Variants in PDE4D observed in about 807,000 individuals in gnomAD.
PDE4D encodes the protein 3',5'-cyclic-AMP phosphodiesterase 4D.
In PDE4D, 24 loss-of-function variants were observed where a neutral mutation model predicts 87.4. The ratio of observed to expected loss-of-function variants is 0.27; its 90% CI spans 0.20 to 0.39. The LOEUF (loss-of-function observed/expected upper bound fraction) is 0.39. PDE4D is among the 10% of genes least tolerant of loss of function. PDE4D has a pLI of 1.00. For synonymous variants in PDE4D, 384 were observed against 383.2 expected (o/e 1.00, Z -0.02); for missense variants, 714 against 1,041.0 (o/e 0.69, Z 4.32).
intron 5 of PDE4D, among the ~76,000 whole-genome samples, chr5:59,114,276 T>C (rs1435716037): frequency 6.6e-6 from 1 of 152,198 alleles, no homozygotes; most frequent in Non-Finnish European, 1.5e-5. Context: ...ATTTAAAGTA[T>C]ATATTAATGG....
intron 5 of PDE4D, among the ~76,000 whole-genome samples, chr5:59,155,028 A>G (rs1394414765): frequency 6.6e-6 from 1 of 152,196 alleles, no homozygotes; most frequent in Non-Finnish European, 1.5e-5. Context: ...CTCTGGACAT[A>G]TTGGATTTGA....
intron 1 of PDE4D, among the ~76,000 whole-genome samples, chr5:59,400,758 CTT>C (rs1790459641): frequency 6.6e-6 from 1 of 151,684 alleles, no homozygotes; most frequent in Admixed American, 6.6e-5. Flanking sequence ...AAAAATAAAT[CTT>C]TACAACATTC....
intron 1 of PDE4D, among the ~76,000 whole-genome samples, chr5:59,239,858 G>C (rs16889427): frequency 2.6e-5 from 4 of 152,088 alleles, no homozygotes; most frequent in Non-Finnish European, 5.9e-5. Context: ...CACTCAAAAA[G>C]GATTACAAAG....
intron 1 of PDE4D, among the ~76,000 whole-genome samples, chr5:60,515,621 T>TTTTTTTTTTTTTTG (rs1274125692): frequency 1.4e-5 from 2 of 139,270 alleles, no homozygotes; most frequent in African/African-American, 5.9e-5. Context: ...TTTTTTTTTC[T>TTTTTTTTTTTTTTG]GTCAGGATGA....
At chr5:59,454,046 A>G (rs953012996) in intron 1 of PDE4D, among the ~76,000 whole-genome samples, 17 of 152,264 alleles carry the variant, frequency 1.1e-4, no homozygotes, top group African/African-American at 3.8e-4. Context: ...ATTACACCAA[A>G]TCTATTCTGC....
chr5:60,502,220 T>G (rs1750113510), intron 1 of PDE4D, among the ~76,000 whole-genome samples: 1 of 152,220 alleles, frequency 6.6e-6, no homozygotes, highest in Non-Finnish European at 1.5e-5. Flanking sequence ...TTTCTACATA[T>G]GGCTAGCCAG....
intron 1 of PDE4D, among the ~76,000 whole-genome samples, chr5:59,325,509 T>C (rs560397498): frequency 2.0e-5 from 3 of 152,300 alleles, no homozygotes; most frequent in Admixed American, 1.3e-4. Flanking sequence ...CCTTTGTATT[T>C]ATCAATAACA....
rs1823965621 is a variant in PDE4D at position 59,580,694 on chromosome 5, A to G, written c.455+312474T>C. 2.0e-5 allele frequency among the ~76,000 whole-genome samples: 3 copies of G among 152,046 alleles called. No homozygotes were observed. In the South Asian group the frequency reaches 6.2e-4, roughly 32 times the overall value. On this transcript the variant is annotated intron_variant, in intron 1 of 14. Transcript: ENST00000340635. ...TATGTTGTTCAGGCTGGTCTCTAAT[A>G]AATTGTTATTACCAATGTGCTATGA... is the stretch of plus-strand genomic sequence containing the variant.
In PDE4D at chr5:60,314,420, G is replaced by C. The variant is rs532823082; in HGVS notation, c.-89-128733C>G. On this transcript the variant is annotated intron_variant, in intron 1 of 16. Coordinates refer to the PDE4D transcript ENST00000502484. ...GAGATCAGGCAATTCACCCACCTTA[G>C]CCTCCCAAAGTGCTGGGATTACAGG... is the stretch of plus-strand genomic sequence containing the variant. 1.2e-4 allele frequency among the ~76,000 whole-genome samples: 18 copies of C among 152,154 alleles called. No individual in the cohort carries two copies. The East Asian group carries it at 3.5e-3, about 29-fold the overall frequency.
intron 3 of PDE4D, among the ~76,000 whole-genome samples, chr5:59,185,989 A>G (rs895989115): frequency 2.6e-5 from 4 of 152,170 alleles, no homozygotes; most frequent in African/African-American, 9.7e-5. Context: ...TTCTAATTCC[A>G]GTTGGAACTA....
At chr5:59,136,732 G>A (rs1281627446) in intron 5 of PDE4D, among the ~76,000 whole-genome samples, 1 of 151,980 alleles carries the variant, frequency 6.6e-6, no homozygotes, top group Non-Finnish European at 1.5e-5. Context: ...AGTTGCCCCA[G>A]GTAACATCTA....
intron 1 of PDE4D, among the ~76,000 whole-genome samples, chr5:60,397,331 G>A (rs980054008): frequency 2.0e-5 from 3 of 152,140 alleles, no homozygotes; most frequent in Non-Finnish European, 4.4e-5. Context: ...TGAAGAGATA[G>A]CTACACTCCC....
At chr5:60,048,466 G>C (rs1769613488) in intron 2 of PDE4D, among the ~76,000 whole-genome samples, 1 of 152,008 alleles carries the variant, frequency 6.6e-6, no homozygotes. Flanking sequence ...AGTCTCGATG[G>C]TCTTTACATT....
chr5:59,762,854 GATATATAT>G lies in PDE4D; in HGVS notation c.455+130306_455+130313del, dbSNP rs35979900. ...ACTAAAAAAGAGCAAACTGCTTAAG[GATATATAT>G]ATATATATATATATATATATATATA... On this transcript the variant is annotated intron_variant, in intron 1 of 14. Transcript: ENST00000340635. Among the ~76,000 whole-genome samples, 415 of 51,692 alleles carry G rather than the reference GATATATAT, an allele frequency of 8.0e-3. 4 individuals are homozygous for G. Among genetic ancestry groups the G allele is most frequent in the African/African-American group, 0.025 (339 of 13,808 alleles). 33.9% of individuals were successfully genotyped at this position (51,692 alleles called of 152,430 possible).
intron 1 of PDE4D, among the ~76,000 whole-genome samples, chr5:59,870,487 T>C (rs539016747): frequency 1.3e-5 from 2 of 152,238 alleles, no homozygotes; most frequent in African/African-American, 4.8e-5. Context: ...AGACTCCTTT[T>C]CTTTTAACGT....
rs748923956 is a variant in PDE4D, at chr5:60,337,351, CTATA to C, written c.-90+150587_-90+150590del. Among the ~76,000 whole-genome samples the C allele has an allele frequency of 3.1e-3, 196 of 62,252 alleles. 1 individual carries two copies. The highest frequency in any genetic ancestry group is 0.012 in the East Asian group (22 of 1,800). The allele number at this position is 62,252 out of a possible 152,430, so 40.8% of individuals were successfully genotyped here. Reference sequence around the variant, plus strand: ...TTGTCTCAAAAAACAAACAAACAAACTATATATATATATATATATATATATATAT... The same window carrying C: ...TTGTCTCAAAAAACAAACAAACAAACTATATATATATATATATATATATAT... On this transcript the variant is annotated intron_variant, in intron 1 of 16. Transcript: ENST00000502484.
At chr5:59,693,286 C>T (rs1009503584) in intron 1 of PDE4D, among the ~76,000 whole-genome samples, 1 of 151,944 alleles carries the variant, frequency 6.6e-6, no homozygotes, top group African/African-American at 2.4e-5. Flanking sequence ...ACCAATAAAA[C>T]ATGAGAGACT....
intron 1 of PDE4D, among the ~76,000 whole-genome samples, chr5:60,481,300 T>G (rs1748710561): frequency 6.6e-6 from 1 of 152,108 alleles, no homozygotes; most frequent in African/African-American, 2.4e-5. Context: ...AATTAACAGA[T>G]TTGGAGAGAT....
chr5:59,563,772 A>G (rs563816341), intron 1 of PDE4D, among the ~76,000 whole-genome samples: 3 of 152,222 alleles, frequency 2.0e-5, no homozygotes, highest in Non-Finnish European at 2.9e-5. Flanking sequence ...CATCCCTCAC[A>G]GGGAGAAAAC....
Sources: gnomAD v4.1 joint callset for allele counts (sites outside exome capture counted in the v4.1 genomes callset) on GRCh38, gnomAD v4.1.1 for gene constraint, MANE v1.5 for transcripts, NCBI Gene and HGNC (gene_info 2026-07-23, HGNC 2026-07-21) for gene names.